The following PMM2 variants were observed in gnomAD, a reference collection of about 807,000 sequenced individuals.
PMM2 encodes phosphomannomutase 2.
PMM2 carries 35 observed loss-of-function variants against 33.2 expected under a neutral mutation model. The ratio of observed to expected loss-of-function variants is 1.06; its 90% CI spans 0.81 to 1.40. The LOEUF (loss-of-function observed/expected upper bound fraction) is 1.40. PMM2 is among the 40% of genes most tolerant of loss of function. PMM2 has a pLI of 0.00. For synonymous variants in PMM2, 153 were observed against 114.7 expected (o/e 1.33, Z -2.13); for missense variants, 386 against 306.0 (o/e 1.26, Z -1.95).
At chr16:8,810,406 TA>T (rs1286659717) in intron 4 of PMM2, 1 of 152,418 alleles carries the variant, frequency 6.6e-6, no homozygotes, top group Non-Finnish European at 1.5e-5. Flanking sequence ...CATAGCTCTT[TA>T]TTAACCACAA....
At chr16:8,832,758 C>T in intron 7 of PMM2, 1 of 984,976 alleles carries the variant, frequency 1.0e-6, no homozygotes, top group South Asian at 4.7e-5. Flanking sequence ...CCGTGAAATC[C>T]CAGGTGCTTA....
intron 7 of PMM2, among the ~76,000 whole-genome samples, chr16:8,828,594 AAG>A (rs1462238218): frequency 6.6e-6 from 1 of 152,110 alleles, no homozygotes; most frequent in African/African-American, 2.4e-5. Context: ...CGGAGACCAA[AAG>A]AGGGTACCCT....
At chr16:8,828,556 A>T (rs2060791855) in intron 7 of PMM2, among the ~76,000 whole-genome samples, 1 of 152,080 alleles carries the variant, frequency 6.6e-6, no homozygotes, top group Non-Finnish European at 1.5e-5. Context: ...TACCGACATG[A>T]ACCCAAAAAT....
chr16:8,806,297 A>G lies in PMM2; in HGVS notation c.256-19A>G. ...ATGCTCCTGCTAAATCAAGTAACTC[A>G]AGTATTTTCTTCATCTAGAATATTC... is the stretch of plus-strand genomic sequence containing the variant. On this transcript the variant is annotated intron_variant, in intron 3 of 7. Transcript: ENST00000268261. The G allele has an allele frequency of 6.7e-7, 1 of 1,485,188 alleles. No individual in the cohort carries two copies. The highest frequency in any genetic ancestry group is 9.4e-7 in the Non-Finnish European group (1 of 1,062,286). 92.0% of individuals were successfully genotyped at this position (1,485,188 alleles called of 1,614,324 possible).
intron 6 of PMM2, among the ~76,000 whole-genome samples, chr16:8,812,765 A>C (rs751524818): frequency 9.2e-5 from 14 of 152,226 alleles, no homozygotes; most frequent in Admixed American, 8.5e-4. Context: ...CTGAGTTGGC[A>C]TTCTGTGCCT....
chr16:8,813,116 G>T lies in PMM2; in HGVS notation c.639+10G>T. On this transcript the variant is annotated intron_variant, in intron 7 of 7. Transcript: ENST00000268261. Reference sequence around the variant, plus strand: ...AGACAAAACTATGCCAGTAAGTAGAGAAGTGTTTGTGCACCTTCATTGTTG... The same window carrying T: ...AGACAAAACTATGCCAGTAAGTAGATAAGTGTTTGTGCACCTTCATTGTTG... 1 of 1,505,364 alleles carries T rather than the reference G, an allele frequency of 6.6e-7. No individual in the cohort carries two copies. The allele number at this position is 1,505,364 out of a possible 1,614,324, so 93.3% of individuals were successfully genotyped here. A position where few individuals can be genotyped will look rare whatever the true frequency, so the allele number is the denominator to read the frequency against.
At chr16:8,807,582 C>T (rs2060654748) in intron 4 of PMM2, 2 of 152,366 alleles carry the variant, frequency 1.3e-5, no homozygotes, top group African/African-American at 2.4e-5. Context: ...GCAGCCTCAA[C>T]CTCCTTGGCT....
intron 7 of PMM2, among the ~76,000 whole-genome samples, chr16:8,838,304 C>T (rs941005649): frequency 2.6e-5 from 4 of 152,084 alleles, no homozygotes; most frequent in African/African-American, 9.7e-5. Flanking sequence ...GCTATTTTTA[C>T]TTCTTTTGTG....
chr16:8,847,732 T>A lies in PMM2; in HGVS notation c.648T>A (p.Asn216Lys). 1 of 1,612,712 alleles carries A rather than the reference T, an allele frequency of 6.2e-7. No individual in the cohort carries two copies. Among genetic ancestry groups the A allele is most frequent in the Non-Finnish European group, 8.5e-7 (1 of 1,178,938 alleles). The change falls in exon 8 of 8, where the codon AAT (asparagine) becomes AAA (lysine). Residue 216 changes from asparagine (N) to lysine (K), a missense_variant. Transcript: ENST00000268261. ...FFGDKTMPGG[N>K]DHEIFTDPRT... The stretch of plus-strand genomic sequence containing the variant: ...ACTTCGTGTCTTTCCAGGGTGGCAA[T>A]GACCATGAGATCTTCACAGACCCCA...
At chr16:8,842,557 G>C (rs973847747) in intron 7 of PMM2, among the ~76,000 whole-genome samples, 1 of 152,136 alleles carries the variant, frequency 6.6e-6, no homozygotes, top group African/African-American at 2.4e-5. Context: ...GCAGGGGAAC[G>C]CTGAAAGAAG....
intron 7 of PMM2, among the ~76,000 whole-genome samples, chr16:8,833,915 C>T (rs1178044408): frequency 6.6e-6 from 1 of 152,036 alleles, no homozygotes; most frequent in Non-Finnish European, 1.5e-5. Flanking sequence ...CAGGAGATAT[C>T]AGCTGTGATG....
intron 7 of PMM2, among the ~76,000 whole-genome samples, chr16:8,814,347 G>T (rs867201712): frequency 3.3e-5 from 5 of 152,144 alleles, no homozygotes; most frequent in Non-Finnish European, 7.3e-5. Context: ...CAGGCTGGGG[G>T]TGTTGGTTAC....
At chr16:8,822,432 G>A (rs542487769) in intron 7 of PMM2, among the ~76,000 whole-genome samples, 2 of 152,314 alleles carry the variant, frequency 1.3e-5, no homozygotes, top group African/African-American at 2.4e-5. Flanking sequence ...CAGGCAAGAA[G>A]GGGGTTTATT....
At chr16:8,798,070 C>T in intron 1 of PMM2, 122 bp downstream of exon 1, 1 of 904,980 alleles carries the variant, frequency 1.1e-6, no homozygotes, top group Non-Finnish European at 1.7e-6. Flanking sequence ...GTCCTCACGG[C>T]GCTGAACCCT....
intron 7 of PMM2, among the ~76,000 whole-genome samples, chr16:8,834,580 G>A (rs559035881): frequency 2.0e-5 from 3 of 152,112 alleles, no homozygotes; most frequent in Non-Finnish European, 2.9e-5. Context: ...CAAGCTTGAT[G>A]TGTAGGGAAG....
chr16:8,847,124 A>G (rs1200501245), intron 7 of PMM2, among the ~76,000 whole-genome samples: 2 of 152,092 alleles, frequency 1.3e-5, no homozygotes, highest in South Asian at 2.1e-4. Context: ...TCAGCCTCCC[A>G]AAGTGCTGGG....
intron 3 of PMM2, 31 bp downstream of exon 3, chr16:8,804,874 A>G (rs914206272): frequency 1.1e-5 from 15 of 1,375,642 alleles, no homozygotes; most frequent in Non-Finnish European, 1.6e-5. Context: ...ATTACTATAT[A>G]CTATTAAAAG....
chr16:8,802,205 C>T (rs1030156781), intron 2 of PMM2: 14 of 465,936 alleles, frequency 3.0e-5, no homozygotes, highest in South Asian at 4.6e-5. Flanking sequence ...TGCTTGTACC[C>T]GTTGACAGCC....
intron 4 of PMM2, chr16:8,808,711 G>T (rs1457902273): frequency 1.3e-5 from 2 of 152,228 alleles, no homozygotes; most frequent in Non-Finnish European, 2.9e-5. Context: ...ATATGTCCTT[G>T]AGTGGGGGGG....
Sources: allele counts gnomAD v4.1 joint callset (sites outside exome capture counted in the v4.1 genomes callset), GRCh38; gene constraint gnomAD v4.1.1; transcripts MANE v1.5; gene names NCBI Gene and HGNC (gene_info 2026-07-23, HGNC 2026-07-21).